DYM: variants seen among roughly 807,000 people sequenced by gnomAD.
DYM encodes the protein dyggve-Melchior-Clausen syndrome protein.
Under a neutral mutation model 93.1 loss-of-function variants are expected in DYM, and 78 were observed. That is an observed-to-expected ratio of 0.84 (90% CI 0.70 to 1.01). The LOEUF is 1.01. Ranked by LOEUF, DYM falls within the 50% of genes least tolerant of loss-of-function variation. DYM has a pLI of 0.00. For synonymous variants in DYM, 321 were observed against 319.7 expected (o/e 1.00, Z -0.04); for missense variants, 789 against 845.0 (o/e 0.93, Z 0.82).
chr18:49,394,404 C>T (rs566924577), intron 2 of DYM, among the ~76,000 whole-genome samples: 1 of 152,002 alleles, frequency 6.6e-6, no homozygotes, highest in Non-Finnish European at 1.5e-5. Context: ...TTTTTTTATA[C>T]CAGTACCATG....
chr18:49,419,674 G>A (rs2073412623), intron 2 of DYM, among the ~76,000 whole-genome samples: 1 of 151,996 alleles, frequency 6.6e-6, no homozygotes, highest in South Asian at 2.1e-4. Flanking sequence ...TCCAAAACAA[G>A]GCTTTCAGAA....
intron 6 of DYM, among the ~76,000 whole-genome samples, chr18:49,349,559 C>T (rs970643087): frequency 6.6e-6 from 1 of 152,150 alleles, no homozygotes; most frequent in Admixed American, 6.5e-5. Flanking sequence ...AAAAAGAACT[C>T]TCCGGAACTA....
At chr18:49,101,249 T>C (rs1184305647) in intron 16 of DYM, among the ~76,000 whole-genome samples, 11 of 152,222 alleles carry the variant, frequency 7.2e-5, no homozygotes. Flanking sequence ...TGGGGATGAA[T>C]GCTTTGTCAG....
chr18:49,088,894 C>T lies in DYM; in HGVS notation c.2025+8508G>A, dbSNP rs1036686528. 2.0e-5 allele frequency among the ~76,000 whole-genome samples: 3 copies of T among 152,098 alleles called. No homozygotes were observed. The East Asian group carries it at 5.8e-4, about 29-fold the overall frequency. ...GCAGCCTCAATTTCCAGGGCACAAGCGATCCTCCTGCCTTAGCCCCCTGAA... is the reference window on the plus strand; with the variant it reads ...GCAGCCTCAATTTCCAGGGCACAAGTGATCCTCCTGCCTTAGCCCCCTGAA... On this transcript the variant is annotated intron_variant, in intron 17 of 17. Transcript: ENST00000675505.
chr18:49,212,981 C>G (rs531363652), intron 13 of DYM, among the ~76,000 whole-genome samples: 3 of 152,212 alleles, frequency 2.0e-5, no homozygotes, highest in African/African-American at 7.2e-5. Flanking sequence ...CTGGAGCTAG[C>G]CCATAAAAAA....
chr18:49,268,444 T>G (rs1193185072), intron 11 of DYM, among the ~76,000 whole-genome samples: 1 of 152,226 alleles, frequency 6.6e-6, no homozygotes, highest in Non-Finnish European at 1.5e-5. Context: ...CCAACCCTGT[T>G]TTGGCAGTCA....
At chr18:49,076,892 C>G (rs775301495) in intron 17 of DYM, among the ~76,000 whole-genome samples, 3 of 152,132 alleles carry the variant, frequency 2.0e-5, no homozygotes, top group Admixed American at 2.0e-4. Flanking sequence ...AAGCTTAACT[C>G]GTATATAGTT....
chr18:49,148,159 C>T (rs971034937), intron 15 of DYM, among the ~76,000 whole-genome samples: 1 of 151,950 alleles, frequency 6.6e-6, no homozygotes, highest in Non-Finnish European at 1.5e-5. Flanking sequence ...CACATGGACA[C>T]AGGAAGGGGA....
At chr18:49,391,050 C>T (rs2069192189) in intron 3 of DYM, among the ~76,000 whole-genome samples, 2 of 152,162 alleles carry the variant, frequency 1.3e-5, no homozygotes, top group Admixed American at 1.3e-4. Flanking sequence ...CTACATGACA[C>T]ACATTGTACT....
intron 14 of DYM, among the ~76,000 whole-genome samples, chr18:49,201,011 G>C (rs905595277): frequency 6.6e-6 from 1 of 152,022 alleles, no homozygotes; most frequent in African/African-American, 2.4e-5. Context: ...CACGTATTAT[G>C]CTATATCTTT....
At chr18:49,064,396 T>C (rs1317079696) in intron 17 of DYM, among the ~76,000 whole-genome samples, 1 of 152,246 alleles carries the variant, frequency 6.6e-6, no homozygotes, top group East Asian at 1.9e-4. Context: ...TCACTTATAA[T>C]GAAAATGCCT....
At chr18:49,171,379 A>T (rs1236963245) in intron 14 of DYM, among the ~76,000 whole-genome samples, 1 of 152,100 alleles carries the variant, frequency 6.6e-6, no homozygotes, top group Non-Finnish European at 1.5e-5. Flanking sequence ...CCTTCCTCTA[A>T]CACACTAGTA....
chr18:49,247,621 T>C (rs925393840), intron 13 of DYM, among the ~76,000 whole-genome samples: 1 of 152,244 alleles, frequency 6.6e-6, no homozygotes, highest in Non-Finnish European at 1.5e-5. Context: ...AGGTCTTTAC[T>C]TATAAGAAAT....
chr18:49,194,972 G>A (rs2091311466), intron 14 of DYM, among the ~76,000 whole-genome samples: 1 of 152,052 alleles, frequency 6.6e-6, no homozygotes, highest in South Asian at 2.1e-4. Flanking sequence ...AGTGGTGATG[G>A]TAAAGCTTGC....
At chr18:49,423,212 A>G (rs1319402920) in intron 2 of DYM, among the ~76,000 whole-genome samples, 2 of 152,226 alleles carry the variant, frequency 1.3e-5, no homozygotes, top group African/African-American at 4.8e-5. Flanking sequence ...CCACAGTGCA[A>G]CCAAACTAGA....
chr18:49,125,861 T>C (rs2082770932), intron 15 of DYM, among the ~76,000 whole-genome samples: 1 of 152,214 alleles, frequency 6.6e-6, no homozygotes, highest in Non-Finnish European at 1.5e-5. Context: ...TCTGTCGCCC[T>C]ACTCCTACTC....
intron 17 of DYM, among the ~76,000 whole-genome samples, chr18:49,062,207 T>G (rs186654076): frequency 2.6e-5 from 4 of 152,328 alleles, no homozygotes; most frequent in Non-Finnish European, 4.4e-5. Context: ...CCAATACACA[T>G]TTCTGAAGGA....
chr18:49,404,331 C>T (rs1389314010), intron 2 of DYM, among the ~76,000 whole-genome samples: 1 of 152,086 alleles, frequency 6.6e-6, no homozygotes, highest in African/African-American at 2.4e-5. Context: ...TGATGGGCAC[C>T]TAGGTTGATG....
At chr18:49,418,569 T>C (rs910445498) in intron 2 of DYM, among the ~76,000 whole-genome samples, 1 of 152,182 alleles carries the variant, frequency 6.6e-6, no homozygotes, top group East Asian at 1.9e-4. Flanking sequence ...ATTAGATTCG[T>C]CCTAAAGGCC....
Sources: gnomAD v4.1 joint callset for allele counts (sites outside exome capture counted in the v4.1 genomes callset) on GRCh38, gnomAD v4.1.1 for gene constraint, MANE v1.5 for transcripts, NCBI Gene and HGNC (gene_info 2026-07-23, HGNC 2026-07-21) for gene names.